BANP: variants seen among roughly 807,000 people sequenced by gnomAD.
BANP encodes protein BANP.
A neutral mutation model predicts 68.1 loss-of-function variants in BANP; 11 were observed. The ratio of observed to expected loss-of-function variants is 0.16; its 90% confidence interval spans 0.10 to 0.27. The LOEUF is 0.27. BANP is among the 10% of genes least tolerant of loss of function. The pLI, the probability that BANP is intolerant of heterozygous loss-of-function variation, is 1.00. For synonymous variants in BANP, 329 were observed against 303.2 expected, an observed-to-expected ratio of 1.09 and a Z score of -0.88; for missense variants, 504 against 722.7, an observed-to-expected ratio of 0.70 and a Z score of 3.47.
chr16:88,065,792 G>C (rs2088379968), intron 12 of BANP, among the ~76,000 whole-genome samples: 1 of 152,118 alleles, frequency 6.6e-6, no homozygotes, highest in African/African-American at 2.4e-5. Context: ...TTGCATGCTT[G>C]CTCAGGTAGA....
chr16:87,968,932 G>A (rs1208491096), intron 1 of BANP, among the ~76,000 whole-genome samples: 1 of 152,114 alleles, frequency 6.6e-6, no homozygotes, highest in Non-Finnish European at 1.5e-5. Flanking sequence ...TATTATTAGA[G>A]GATGAAAAGT....
chr16:87,958,557 A>C (rs559857456), intron 1 of BANP, among the ~76,000 whole-genome samples: 19 of 151,272 alleles, frequency 1.3e-4, no homozygotes, highest in African/African-American at 4.6e-4. Context: ...CCACTGGGCC[A>C]GGCATGGTGG....
At chr16:87,953,036 G>A (rs111751434) in intron 1 of BANP, among the ~76,000 whole-genome samples, 1 of 152,126 alleles carries the variant, frequency 6.6e-6, no homozygotes, top group African/African-American at 2.4e-5. Context: ...CACGCTGCGT[G>A]GGGGCAGCTC....
chr16:88,035,969 A>G (rs542178832), intron 10 of BANP, among the ~76,000 whole-genome samples: 40 of 152,320 alleles, frequency 2.6e-4, no homozygotes, highest in African/African-American at 9.4e-4. Flanking sequence ...GTGCGGGCTC[A>G]GCTGCTGTTG....
At chr16:87,988,598 A>G (rs1185815078) in intron 4 of BANP, among the ~76,000 whole-genome samples, 2 of 152,148 alleles carry the variant, frequency 1.3e-5, no homozygotes, top group Admixed American at 6.5e-5. Flanking sequence ...GATTAGAAGT[A>G]TGTAAGTCAC....
At chr16:88,067,695 A>T (rs2089096591) in intron 12 of BANP, among the ~76,000 whole-genome samples, 1 of 151,118 alleles carries the variant, frequency 6.6e-6, no homozygotes, top group South Asian at 2.1e-4. Flanking sequence ...TCACCCTGCC[A>T]TGCTCTGGCC....
chr16:88,070,430 C>G (rs1375274427), intron 12 of BANP, among the ~76,000 whole-genome samples: 1 of 152,220 alleles, frequency 6.6e-6, no homozygotes, highest in Non-Finnish European at 1.5e-5. Flanking sequence ...CATATTCCTT[C>G]TTGTATAGCA....
chr16:87,961,397 C>T (rs1017219393), intron 1 of BANP, among the ~76,000 whole-genome samples: 1 of 139,982 alleles, frequency 7.1e-6, no homozygotes, highest in Admixed American at 7.6e-5. Flanking sequence ...CTCCTGGACT[C>T]ACAGAATCTG....
At chr16:88,065,978 A>G (rs936563455) in intron 12 of BANP, among the ~76,000 whole-genome samples, 1 of 151,996 alleles carries the variant, frequency 6.6e-6, no homozygotes. Flanking sequence ...CTTGGTGGGG[A>G]TGGGAGCACG....
Position 88,003,958 on chromosome 16 carries a change from C to T in BANP, c.363-337C>T, listed in dbSNP as rs984669776. 18 of 320,422 alleles carry T rather than the reference C, an allele frequency of 5.6e-5. No individual in the cohort carries two copies. Among genetic ancestry groups the T allele is most frequent in the South Asian group, 3.1e-4 (11 of 35,940 alleles). The allele number at this position is 320,422 out of a possible 1,614,324, so 19.8% of individuals were successfully genotyped here. On this transcript the variant is annotated intron_variant, in intron 4 of 13. Coordinates refer to ENST00000682872, the MANE Select transcript of BANP (RefSeq NM_001386991.1). This position sits in a 1 kb window ranked among gnomAD's most constrained non-coding sequence, Gnocchi z 6.1. The stretch of plus-strand genomic sequence containing the variant: ...CCCTAGAAGCTTTATTAACTGGGTG[C>T]GATAACAGCTGGTGCGGTTGCAGTC...
In BANP at chr16:87,998,744, C is replaced by G. The variant is rs867246678; in HGVS notation, c.363-5551C>G. ...CACGCACGTGCGCGGCTGTACTTGC[C>G]TGTCTTTCCAGACACCCAGACACGT... On this transcript the variant is annotated intron_variant, in intron 4 of 13. Coordinates refer to ENST00000682872, the MANE Select transcript of BANP (RefSeq NM_001386991.1). 2.7e-4 allele frequency among the ~76,000 whole-genome samples: 40 copies of G among 148,384 alleles called. 2 individuals carry two copies. Among genetic ancestry groups the G allele is most frequent in the South Asian group, 8.6e-4 (4 of 4,628 alleles).
At chr16:87,988,714 G>A (rs1198930874) in intron 4 of BANP, among the ~76,000 whole-genome samples, 1 of 152,194 alleles carries the variant, frequency 6.6e-6, no homozygotes, top group Non-Finnish European at 1.5e-5. Context: ...TAATCTTGCA[G>A]CACAGATGCA....
At chr16:87,961,928 C>T (rs1484864968) in intron 1 of BANP, among the ~76,000 whole-genome samples, 2 of 152,136 alleles carry the variant, frequency 1.3e-5, no homozygotes, top group Non-Finnish European at 2.9e-5. Context: ...GACTTCTCAG[C>T]CTCCTGAACT....
At chr16:88,041,630 C>A (rs1453558464) in intron 11 of BANP, among the ~76,000 whole-genome samples, 1 of 152,232 alleles carries the variant, frequency 6.6e-6, no homozygotes, top group African/African-American at 2.4e-5. Flanking sequence ...TGCTCTGATA[C>A]TGAGGTTCCA....
intron 2 of BANP, among the ~76,000 whole-genome samples, chr16:87,976,175 C>T (rs59619086): frequency 6.6e-6 from 1 of 152,126 alleles, no homozygotes; most frequent in African/African-American, 2.4e-5. Flanking sequence ...TATATCTTGG[C>T]AAATAGATAA....
At chr16:87,955,109 C>G (rs962877427) in intron 1 of BANP, among the ~76,000 whole-genome samples, 1 of 152,182 alleles carries the variant, frequency 6.6e-6, no homozygotes, top group Non-Finnish European at 1.5e-5. Flanking sequence ...CCAAGCGGGC[C>G]GTCTGCCCTG....
chr16:87,991,342 ATC>A (rs2065862224), intron 4 of BANP, among the ~76,000 whole-genome samples: 1 of 152,258 alleles, frequency 6.6e-6, no homozygotes, highest in South Asian at 2.1e-4. Flanking sequence ...TAGAGATACA[ATC>A]TAATAACCAA....
intron 11 of BANP, among the ~76,000 whole-genome samples, chr16:88,058,307 G>A (rs771558360): frequency 9.2e-5 from 14 of 152,298 alleles, no homozygotes; most frequent in African/African-American, 1.4e-4. Context: ...TGGGTTTCAC[G>A]CAGGTGGGCC....
intron 11 of BANP, among the ~76,000 whole-genome samples, chr16:88,063,116 G>T (rs764887137): frequency 6.6e-6 from 1 of 152,238 alleles, no homozygotes; most frequent in African/African-American, 2.4e-5. Context: ...CTGCAGCAGC[G>T]CAGCCAAGCG....
Sources: allele counts gnomAD v4.1 joint callset (sites outside exome capture counted in the v4.1 genomes callset), GRCh38; gene constraint gnomAD v4.1.1; non-coding constraint Gnocchi (gnomAD v3.1); transcripts MANE v1.5; gene names NCBI Gene and HGNC (gene_info 2026-07-23, HGNC 2026-07-21).